COL4A2: variants seen among roughly 807,000 people sequenced by gnomAD.
COL4A2 encodes collagen alpha-2(IV) chain.
COL4A2 carries 99 observed loss-of-function variants against 200.2 expected under a neutral mutation model. The ratio of observed to expected loss-of-function variants is 0.49; its 90% CI spans 0.42 to 0.58. The LOEUF (loss-of-function observed/expected upper bound fraction) is 0.58, where lower values mean the gene tolerates loss of function less well. Ranked by LOEUF, COL4A2 falls within the 20% of genes least tolerant of loss-of-function variation. The pLI, the probability that COL4A2 is intolerant of heterozygous loss-of-function variation, is 0.00. For synonymous variants in COL4A2, 897 were observed against 900.6 expected, an observed-to-expected ratio of 1.00 and a Z score of 0.07; for missense variants, 1,950 against 2,314.1, an observed-to-expected ratio of 0.84 and a Z score of 3.23.
At chr13:110,337,912 A>G (rs917617351) in intron 3 of COL4A2, among the ~76,000 whole-genome samples, 1 of 152,248 alleles carries the variant, frequency 6.6e-6, no homozygotes, top group Admixed American at 6.5e-5. Context: ...CACTAAATGA[A>G]CATGCATTGA....
chr13:110,312,249 A>C (rs1885004769), intron 3 of COL4A2, among the ~76,000 whole-genome samples: 1 of 152,184 alleles, frequency 6.6e-6, no homozygotes, highest in South Asian at 2.1e-4. Context: ...ATAATAGCAG[A>C]GATTTGTCAG....
At chr13:110,316,403 T>C (rs1056559757) in intron 3 of COL4A2, among the ~76,000 whole-genome samples, 9 of 152,148 alleles carry the variant, frequency 5.9e-5, no homozygotes, top group Non-Finnish European at 1.3e-4. Context: ...GATGCAATCA[T>C]TGCAAACTGT....
intron 6 of COL4A2, among the ~76,000 whole-genome samples, chr13:110,425,628 G>C (rs1328467072): frequency 1.3e-5 from 2 of 152,116 alleles, no homozygotes; most frequent in Non-Finnish European, 2.9e-5. Context: ...TGTGTTTATC[G>C]CACGTTCTGA....
At chr13:110,371,439 GA>G (rs1878003977) in intron 4 of COL4A2, among the ~76,000 whole-genome samples, 1 of 152,068 alleles carries the variant, frequency 6.6e-6, no homozygotes, top group Admixed American at 6.6e-5. Flanking sequence ...ATTTCCAGGG[GA>G]ATAACAATGT....
chr13:110,363,026 C>T (rs1293389720), intron 4 of COL4A2, among the ~76,000 whole-genome samples: 3 of 152,170 alleles, frequency 2.0e-5, no homozygotes, highest in Non-Finnish European at 4.4e-5. Flanking sequence ...TCCTAAGGCA[C>T]TTGGGTATTC....
At chr13:110,485,903 G>A in intron 34 of COL4A2, 67 bp downstream of exon 34, 1 of 1,588,534 alleles carries the variant, frequency 6.3e-7, no homozygotes, top group Non-Finnish European at 8.5e-7. Flanking sequence ...GAATGGACAT[G>A]CTTTGGTCTG....
intron 22 of COL4A2, 104 bp from the exon 23 acceptor site, chr13:110,462,010 G>A: frequency 6.6e-7 from 1 of 1,523,398 alleles, no homozygotes; most frequent in Non-Finnish European, 8.9e-7. Flanking sequence ...TTGGTGACGG[G>A]TGACTGCCTG....
chr13:110,490,422 G>A (rs887824076), intron 36 of COL4A2, among the ~76,000 whole-genome samples: 2 of 152,252 alleles, frequency 1.3e-5, no homozygotes, highest in Non-Finnish European at 2.9e-5. Context: ...TGCAGGGCTG[G>A]CCCTGGTGGG....
rs189701251 is a variant in COL4A2 at position 110,503,776 on chromosome 13, G to T, written c.4139-71G>T. On this transcript the variant is annotated intron_variant, in intron 43 of 47. Coordinates refer to ENST00000360467, the MANE Select transcript of COL4A2 (RefSeq NM_001846.4). ...AAAAGAAGCCTCCCTGGTGAGAAAC[G>T]CAGTAGCACTCGGAGCAAGAGAGTG... 7.0e-6 allele frequency: 11 copies of T among 1,570,588 alleles called. No homozygotes were observed. In the East Asian group the frequency reaches 2.2e-4, roughly 32 times the overall value.
intron 6 of COL4A2, 101 bp from the exon 7 acceptor site, chr13:110,428,366 G>T: frequency 1.4e-6 from 1 of 708,224 alleles, no homozygotes. Context: ...GATTCATGCC[G>T]GGAACATGGC....
intron 21 of COL4A2, among the ~76,000 whole-genome samples, chr13:110,458,565 A>G (rs1881871652): frequency 2.0e-5 from 3 of 152,130 alleles, no homozygotes. Context: ...TCTGAACCCC[A>G]TGAGACTATG....
intron 4 of COL4A2, among the ~76,000 whole-genome samples, chr13:110,411,923 T>C (rs778260733): frequency 9.9e-5 from 15 of 152,218 alleles, no homozygotes; most frequent in Non-Finnish European, 1.8e-4. Flanking sequence ...ACAATGACAG[T>C]ACCTACCTCG....
At chr13:110,336,950 C>T (rs572087634) in intron 3 of COL4A2, among the ~76,000 whole-genome samples, 1 of 152,316 alleles carries the variant, frequency 6.6e-6, no homozygotes, top group South Asian at 2.1e-4. Flanking sequence ...CTTCACGGGA[C>T]ACTCACACCA....
chr13:110,460,119 A>C (rs912992786), intron 22 of COL4A2, among the ~76,000 whole-genome samples: 2 of 152,232 alleles, frequency 1.3e-5, no homozygotes, highest in Non-Finnish European at 2.9e-5. Flanking sequence ...ATTATTTAAC[A>C]TATTCAGCAA....
intron 47 of COL4A2, among the ~76,000 whole-genome samples, chr13:110,509,237 T>A (rs372112192): frequency 1.3e-5 from 1 of 75,570 alleles, no homozygotes. Flanking sequence ...TGTTAAATAT[T>A]TCATAAATTA....
intron 3 of COL4A2, among the ~76,000 whole-genome samples, chr13:110,309,699 G>A (rs980460473): frequency 2.6e-5 from 4 of 152,170 alleles, no homozygotes; most frequent in Admixed American, 2.0e-4. Flanking sequence ...TAAAGATCTA[G>A]GTATTAGCCT....
At chr13:110,486,616 A>G (rs113328517) in intron 34 of COL4A2, among the ~76,000 whole-genome samples, 294 of 152,344 alleles carry the variant, frequency 1.9e-3, no homozygotes, top group African/African-American at 6.1e-3. Context: ...TCCGTGTGAA[A>G]AGACCACCAA....
At chr13:110,489,953 T>G (rs1883233302) in intron 36 of COL4A2, among the ~76,000 whole-genome samples, 168 bp downstream of exon 36, 1 of 152,198 alleles carries the variant, frequency 6.6e-6, no homozygotes, top group Non-Finnish European at 1.5e-5. Context: ...TTAATTAAGT[T>G]AAATCTGAAG....
intron 3 of COL4A2, among the ~76,000 whole-genome samples, chr13:110,348,163 G>A (rs1311960505): frequency 2.0e-5 from 3 of 152,212 alleles, no homozygotes; most frequent in Non-Finnish European, 4.4e-5. Flanking sequence ...AGGCATCGAC[G>A]CAGTCATAAC....
Sources: gnomAD v4.1 joint callset for allele counts (sites outside exome capture counted in the v4.1 genomes callset) on GRCh38, gnomAD v4.1.1 for gene constraint, MANE v1.5 for transcripts, NCBI Gene and HGNC (gene_info 2026-07-23, HGNC 2026-07-21) for gene names.